The following ENPP1 variants were observed in gnomAD, a reference collection of about 807,000 sequenced individuals.
ENPP1 encodes the protein ectonucleotide pyrophosphatase/phosphodiesterase 1, also known as ectonucleotide pyrophosphatase/phosphodiesterase family member 1.
ENPP1 carries 73 observed loss-of-function variants against 122.8 expected under a neutral mutation model. That is an observed-to-expected ratio of 0.59 (90% CI 0.49 to 0.72). The LOEUF is 0.72. Among genes scored for constraint, ENPP1 ranks in the 30% least tolerant of loss-of-function variants. The pLI is 0.00. For synonymous variants in ENPP1, 367 were observed against 391.6 expected (o/e 0.94, Z 0.74); for missense variants, 978 against 1,128.1 (o/e 0.87, Z 1.91).
chr6:131,835,756 C>T (rs1028821468), intron 1 of ENPP1, among the ~76,000 whole-genome samples: 7 of 152,008 alleles, frequency 4.6e-5, no homozygotes, highest in Non-Finnish European at 1.0e-4. Flanking sequence ...TGTGTTGTTC[C>T]CCCCTCATGT....
chr6:131,851,020 A>G, intron 3 of ENPP1, 122 bp from the exon 4 acceptor site: 1 of 1,097,458 alleles, frequency 9.1e-7, no homozygotes, highest in Non-Finnish European at 1.4e-6. Context: ...GTGAGTGACT[A>G]AGAGCTGTGA....
At chr6:131,877,866 A>AAAAAAAATATATATATATATATATAT (rs1562183349) in intron 18 of ENPP1, 1 of 53,022 alleles carries the variant, frequency 1.9e-5, no homozygotes, top group Non-Finnish European at 3.0e-5. Context: ...AAAAAAAAAA[A>AAAAAAAATATATATATATATATATAT]ATATATATAT....
chr6:131,828,351 T>C (rs1435337062), intron 1 of ENPP1: 3 of 411,504 alleles, frequency 7.3e-6, no homozygotes, highest in Non-Finnish European at 1.4e-5. Context: ...ACCATGATTT[T>C]AAGATGTGAT....
At chr6:131,818,657 A>G (rs892081437) in intron 1 of ENPP1, among the ~76,000 whole-genome samples, 1 of 152,266 alleles carries the variant, frequency 6.6e-6, no homozygotes, top group East Asian at 1.9e-4. Flanking sequence ...CAAAAAAAAA[A>G]AAAATGTCCT....
chr6:131,869,819 G>A (rs1782138029), intron 13 of ENPP1, among the ~76,000 whole-genome samples: 1 of 138,474 alleles, frequency 7.2e-6, no homozygotes, highest in African/African-American at 2.8e-5. Flanking sequence ...TCATGCCACT[G>A]TACTCCAGCC....
chr6:131,876,858 T>C (rs1782235396), intron 17 of ENPP1, 134 bp from the exon 18 acceptor site: 1 of 783,738 alleles, frequency 1.3e-6, no homozygotes, highest in Non-Finnish European at 2.1e-6. Context: ...CCCAAGAGAG[T>C]TTTATACTTT....
At chr6:131,813,529 CAA>C (rs112662261) in intron 1 of ENPP1, among the ~76,000 whole-genome samples, 188 of 128,830 alleles carry the variant, frequency 1.5e-3, no homozygotes, top group African/African-American at 5.1e-3. Flanking sequence ...GACTCTGTCT[CAA>C]AAAAAAAAAA....
chr6:131,883,757 T>C lies in ENPP1; in HGVS notation c.2294T>C (p.Met765Thr). The change falls in exon 22 of 25, where the codon ATG becomes ACG. Residue 765 changes from methionine to threonine, a missense_variant. Met to Thr is a moderately conservative substitution (Grantham distance 81). Coordinates refer to ENST00000647893, the MANE Select transcript of ENPP1 (RefSeq NM_006208.3). ...EALLTTNIVP[M>T]YQSFQVIWRY... ...TTGCTTACTACAAATATAGTGCCAA[T>C]GTACCAGAGTTTTCAAGGTAAATAA... is the stretch of plus-strand genomic sequence containing the variant. 1 of 1,511,108 alleles carries C rather than the reference T, an allele frequency of 6.6e-7. No individual in the cohort carries two copies. Among genetic ancestry groups the C allele is most frequent in the Non-Finnish European group, 9.2e-7 (1 of 1,086,822 alleles). 93.6% of individuals were successfully genotyped at this position (1,511,108 alleles called of 1,614,324 possible).
At chr6:131,809,778 T>C (rs950208516) in intron 1 of ENPP1, among the ~76,000 whole-genome samples, 2 of 152,178 alleles carry the variant, frequency 1.3e-5, no homozygotes, top group African/African-American at 2.4e-5. Flanking sequence ...AGGTTTTAAA[T>C]TTTTCTTGCT....
At chr6:131,825,400 A>G (rs913520189) in intron 1 of ENPP1, among the ~76,000 whole-genome samples, 6 of 152,216 alleles carry the variant, frequency 3.9e-5, no homozygotes, top group African/African-American at 1.4e-4. Context: ...CACTAGCTAC[A>G]TGTGGCTATT....
chr6:131,881,436 G>A (rs2114725538), intron 20 of ENPP1, among the ~76,000 whole-genome samples: 1 of 152,088 alleles, frequency 6.6e-6, no homozygotes, highest in East Asian at 1.9e-4. Context: ...GTTTTCTTAT[G>A]TAATTAAAAT....
At chr6:131,886,375 G>A (rs1782377335) in intron 23 of ENPP1, among the ~76,000 whole-genome samples, 187 bp from the exon 24 acceptor site, 1 of 152,172 alleles carries the variant, frequency 6.6e-6, no homozygotes, top group African/African-American at 2.4e-5. Context: ...GTGTTTATCT[G>A]CCTGTCTTCT....
intron 1 of ENPP1, among the ~76,000 whole-genome samples, chr6:131,824,123 T>C (rs1781515311): frequency 6.6e-6 from 1 of 152,072 alleles, no homozygotes; most frequent in South Asian, 2.1e-4. Flanking sequence ...AGGTTTTATC[T>C]GAAGGGACCA....
At chr6:131,854,027 G>A (rs1251547239) in intron 5 of ENPP1, among the ~76,000 whole-genome samples, 1 of 151,726 alleles carries the variant, frequency 6.6e-6, no homozygotes. Context: ...TTATTTCTTT[G>A]TTGTTTATAT....
chr6:131,883,665 GA>G (rs749657641), intron 21 of ENPP1, 28 bp from the exon 22 acceptor site: 1 of 1,062,772 alleles, frequency 9.4e-7, no homozygotes, highest in Non-Finnish European at 1.5e-6. Context: ...TGTGAAGAAT[GA>G]AAAAGTTGTC....
intron 7 of ENPP1, among the ~76,000 whole-genome samples, 153 bp from the exon 8 acceptor site, chr6:131,860,234 T>C (rs1446754678): frequency 1.6e-4 from 25 of 152,238 alleles, no homozygotes. Flanking sequence ...GGTTGCGTTT[T>C]GCCATTACCT....
intron 1 of ENPP1, chr6:131,827,018 A>G: frequency 5.7e-6 from 3 of 530,006 alleles, no homozygotes; most frequent in East Asian, 8.0e-5. Flanking sequence ...AATGGTCCAC[A>G]TCTTTGAGGT....
chr6:131,878,393 C>T, intron 18 of ENPP1, 149 bp from the exon 19 acceptor site: 1 of 676,216 alleles, frequency 1.5e-6, no homozygotes, highest in Admixed American at 2.1e-5. Context: ...AACACTCTTG[C>T]CTTGAAAGAG....
At chr6:131,876,908 T>C in intron 17 of ENPP1, 84 bp from the exon 18 acceptor site, 1 of 1,366,876 alleles carries the variant, frequency 7.3e-7, no homozygotes, top group Non-Finnish European at 1.0e-6. Flanking sequence ...TATTTGGTTT[T>C]AAAAAAGTAA....
Sources: gnomAD v4.1 joint callset for allele counts (sites outside exome capture counted in the v4.1 genomes callset) on GRCh38, gnomAD v4.1.1 for gene constraint, MANE v1.5 for transcripts, NCBI Gene and HGNC (gene_info 2026-07-23, HGNC 2026-07-21) for gene names.